PRDM6: variants seen among roughly 807,000 people sequenced by gnomAD.
PRDM6 encodes the protein putative histone-lysine N-methyltransferase PRDM6.
A neutral mutation model predicts 60.8 loss-of-function variants in PRDM6; 25 were observed. That is an observed-to-expected ratio of 0.41 (90% confidence interval 0.30 to 0.57). PRDM6 has a LOEUF of 0.57. Ranked by LOEUF, PRDM6 falls within the 20% of genes least tolerant of loss-of-function variation. PRDM6 has a pLI of 0.27. For synonymous variants in PRDM6, 407 were observed against 357.4 expected (o/e 1.14, Z -1.57); for missense variants, 839 against 821.3 (o/e 1.02, Z -0.26).
intron 3 of PRDM6, among the ~76,000 whole-genome samples, chr5:123,121,754 T>A (rs770864430): frequency 3.9e-5 from 6 of 152,206 alleles, no homozygotes; most frequent in Non-Finnish European, 8.8e-5. Context: ...TTTTTTATAG[T>A]TAGTTTGTTT....
intron 5 of PRDM6, among the ~76,000 whole-genome samples, chr5:123,165,084 C>G (rs541309913): frequency 6.6e-6 from 1 of 152,174 alleles, no homozygotes; most frequent in African/African-American, 2.4e-5. Flanking sequence ...CCCCAAATCC[C>G]CATTTCAGAA....
At chr5:123,095,508 C>T (rs370928464) in intron 2 of PRDM6, among the ~76,000 whole-genome samples, 1 of 152,258 alleles carries the variant, frequency 6.6e-6, no homozygotes, top group African/African-American at 2.4e-5. Context: ...ACGCCCCTCC[C>T]CGCCTAGGGC....
intron 3 of PRDM6, among the ~76,000 whole-genome samples, chr5:123,129,257 G>A (rs1416108163): frequency 6.6e-6 from 1 of 152,062 alleles, no homozygotes; most frequent in Non-Finnish European, 1.5e-5. Flanking sequence ...GCTCTTTTTT[G>A]CTTCCATATG....
intron 3 of PRDM6, among the ~76,000 whole-genome samples, chr5:123,132,236 G>T (rs1764849496): frequency 6.6e-6 from 1 of 152,120 alleles, no homozygotes; most frequent in African/African-American, 2.4e-5. Flanking sequence ...TATTTTCAGT[G>T]CTAAGAATCC....
chr5:123,116,609 AACTC>A (rs1161520100), intron 3 of PRDM6, among the ~76,000 whole-genome samples: 2 of 152,216 alleles, frequency 1.3e-5, no homozygotes, highest in Non-Finnish European at 2.9e-5. Context: ...ATGGAAATCA[AACTC>A]AATTATGTAG....
In PRDM6 at chr5:123,187,130, A is replaced by G. The variant is rs1561891967; in HGVS notation, c.1717A>G (p.Ser573Gly). ...ERSFTQATQL[S>G]RHQRMPNECK... Reference sequence around the variant, plus strand: ...GAGCTTCACGCAGGCCACCCAGCTGAGCCGACACCAGCGGATGCCCAATGA... The same window carrying G: ...GAGCTTCACGCAGGCCACCCAGCTGGGCCGACACCAGCGGATGCCCAATGA... The change falls in exon 8 of 8, where the codon AGC becomes GGC. Residue 573 changes from serine (S) to glycine (G), a missense_variant. Physicochemically the swap from Ser to Gly is moderately conservative, Grantham distance 56. This residue lies in a region of PRDM6 where 109 missense variants were observed against 172.6 expected (regional missense o/e 0.63). Transcript: ENST00000407847. The G allele has an allele frequency of 6.4e-7, 1 of 1,551,626 alleles. No individual in the cohort carries two copies. Among genetic ancestry groups the G allele is most frequent in the Admixed American group, 2.0e-5 (1 of 51,002 alleles).
chr5:123,147,437 A>G (rs1174348577), intron 3 of PRDM6, among the ~76,000 whole-genome samples: 4 of 152,170 alleles, frequency 2.6e-5, no homozygotes, highest in Non-Finnish European at 4.4e-5. Context: ...TGTGGATATT[A>G]TTGCTGCAAC....
intron 3 of PRDM6, among the ~76,000 whole-genome samples, chr5:123,124,850 AT>A (rs905206896): frequency 9.9e-5 from 15 of 151,816 alleles, no homozygotes; most frequent in Middle Eastern, 3.2e-3. Flanking sequence ...CAAACTCTGT[AT>A]TTTTTTTCTA....
intron 3 of PRDM6, among the ~76,000 whole-genome samples, chr5:123,141,758 A>G (rs1171740499): frequency 2.0e-5 from 3 of 152,192 alleles, no homozygotes; most frequent in Non-Finnish European, 4.4e-5. Flanking sequence ...AAGGGAAATT[A>G]AAACCCACCA....
At chr5:123,124,987 G>A (rs906821219) in intron 3 of PRDM6, among the ~76,000 whole-genome samples, 3 of 151,428 alleles carry the variant, frequency 2.0e-5, no homozygotes, top group African/African-American at 7.3e-5. Flanking sequence ...CTCTATTCAC[G>A]TTTTGTGTAT....
chr5:123,162,180 CT>C (rs1301038619), intron 5 of PRDM6, among the ~76,000 whole-genome samples: 1 of 152,164 alleles, frequency 6.6e-6, no homozygotes, highest in Non-Finnish European at 1.5e-5. Context: ...ATTTCTTACC[CT>C]CGATCTGGAT....
chr5:123,093,726 G>A (rs1351394069), intron 2 of PRDM6, among the ~76,000 whole-genome samples: 1 of 152,204 alleles, frequency 6.6e-6, no homozygotes, highest in Non-Finnish European at 1.5e-5. Flanking sequence ...CATCGGAGTG[G>A]CCTCTTCCCG....
At chr5:123,159,742 T>C in intron 5 of PRDM6, 104 bp downstream of exon 5, 1 of 1,098,584 alleles carries the variant, frequency 9.1e-7, no homozygotes, top group Non-Finnish European at 1.3e-6. Flanking sequence ...TTCACTGTAA[T>C]AAGTAACACA....
At chr5:123,180,599 G>A (rs1396272383) in intron 7 of PRDM6, among the ~76,000 whole-genome samples, 1 of 152,214 alleles carries the variant, frequency 6.6e-6, no homozygotes, top group Non-Finnish European at 1.5e-5. Flanking sequence ...AGAGGTAGGA[G>A]TAAATAATTT....
intron 5 of PRDM6, among the ~76,000 whole-genome samples, chr5:123,166,892 A>T (rs1765764848): frequency 6.6e-6 from 1 of 152,212 alleles, no homozygotes; most frequent in Admixed American, 6.5e-5. Flanking sequence ...TCCAGACTGA[A>T]GAGATTGACT....
At chr5:123,174,136 C>T (rs1245104235) in intron 6 of PRDM6, among the ~76,000 whole-genome samples, 1 of 152,202 alleles carries the variant, frequency 6.6e-6, no homozygotes. Flanking sequence ...ACTGGATTAG[C>T]ATGCCAAATC....
chr5:123,142,642 A>C (rs1765131284), intron 3 of PRDM6, among the ~76,000 whole-genome samples: 1 of 152,176 alleles, frequency 6.6e-6, no homozygotes, highest in South Asian at 2.1e-4. Context: ...CACTAAATCC[A>C]GCAATAGACA....
intron 5 of PRDM6, among the ~76,000 whole-genome samples, chr5:123,164,374 A>G (rs895337563): frequency 3.9e-5 from 6 of 152,186 alleles, no homozygotes; most frequent in African/African-American, 1.4e-4. Context: ...GAATAGAAAA[A>G]TGCTGCCCTC....
intron 2 of PRDM6, among the ~76,000 whole-genome samples, chr5:123,096,451 G>GCT (rs1763961742): frequency 2.6e-5 from 4 of 152,068 alleles, no homozygotes; most frequent in Admixed American, 2.6e-4. Context: ...ATATCCTCAA[G>GCT]CTACCCTGAG....
Sources: gnomAD v4.1 joint callset for allele counts (sites outside exome capture counted in the v4.1 genomes callset) on GRCh38, gnomAD v4.1.1 for gene constraint, gnomAD v4.1.1 regional missense constraint, MANE v1.5 for transcripts, NCBI Gene and HGNC (gene_info 2026-07-23, HGNC 2026-07-21) for gene names.